Variants in ABLIM1 observed in about 807,000 individuals in gnomAD.
The protein encoded by ABLIM1 is actin binding LIM protein 1.
ABLIM1 carries 40 observed loss-of-function variants against 107.0 expected under a neutral mutation model. That is an observed-to-expected ratio of 0.37 (90% CI 0.29 to 0.49). The LOEUF is 0.49. Ranked by LOEUF, ABLIM1 falls within the 20% of genes least tolerant of loss-of-function variation. The pLI, the probability that ABLIM1 is intolerant of heterozygous loss-of-function variation, is 0.97. For missense variants in ABLIM1, 857 were observed against 1,008.5 expected (o/e 0.85, Z 2.04); for synonymous variants, 357 against 357.3 (o/e 1.00, Z 0.01).
At chr10:114,682,500 T>G (rs773068434) in intron 1 of ABLIM1, among the ~76,000 whole-genome samples, 81 of 152,226 alleles carry the variant, frequency 5.3e-4, no homozygotes, top group Admixed American at 2.0e-3. Flanking sequence ...AAAAGCTAAT[T>G]AAAAGTATTG....
intron 2 of ABLIM1, among the ~76,000 whole-genome samples, chr10:114,580,479 T>C (rs928966727): frequency 2.6e-5 from 4 of 152,124 alleles, no homozygotes; most frequent in African/African-American, 4.8e-5. Context: ...TCCCAAACTG[T>C]TGGGAATATA....
At chr10:114,565,961 A>AT (rs2070679894) in intron 4 of ABLIM1, among the ~76,000 whole-genome samples, 1 of 151,436 alleles carries the variant, frequency 6.6e-6, no homozygotes, top group African/African-American at 2.4e-5. Flanking sequence ...TGCCTCGCTA[A>AT]TTTTTTTGTA....
At chr10:114,676,207 G>A (rs771078247) in intron 1 of ABLIM1, among the ~76,000 whole-genome samples, 1 of 152,184 alleles carries the variant, frequency 6.6e-6, no homozygotes, top group Non-Finnish European at 1.5e-5. Flanking sequence ...GACTGGGCGC[G>A]ATGGCTCACG....
At chr10:114,603,330 T>C (rs537313941) in intron 1 of ABLIM1, among the ~76,000 whole-genome samples, 32 of 152,322 alleles carry the variant, frequency 2.1e-4, no homozygotes, top group African/African-American at 7.2e-4. Flanking sequence ...AATCCATTAC[T>C]AGCTAACTTC....
At chr10:114,440,551 T>C (rs1589675901) in intron 19 of ABLIM1, among the ~76,000 whole-genome samples, 1 of 152,246 alleles carries the variant, frequency 6.6e-6, no homozygotes, top group East Asian at 1.9e-4. Context: ...GCTTAAGCAA[T>C]TCTCCTGCCT....
intron 2 of ABLIM1, among the ~76,000 whole-genome samples, chr10:114,601,538 T>C (rs2076000377): frequency 6.6e-6 from 1 of 152,170 alleles, no homozygotes; most frequent in African/African-American, 2.4e-5. Context: ...AGTGCTGGGA[T>C]TATAGGCGTG....
chr10:114,563,926 A>C (rs535029730), intron 4 of ABLIM1, among the ~76,000 whole-genome samples: 9 of 144,872 alleles, frequency 6.2e-5, no homozygotes, highest in African/African-American at 2.3e-4. Flanking sequence ...TGTTTGTTGA[A>C]CGAGTGAATG....
intron 1 of ABLIM1, among the ~76,000 whole-genome samples, chr10:114,612,210 G>C (rs969170889): frequency 3.3e-5 from 5 of 152,172 alleles, no homozygotes; most frequent in African/African-American, 4.8e-5. Context: ...CTGCCCTCAT[G>C]AATGGATTAA....
intron 7 of ABLIM1, among the ~76,000 whole-genome samples, chr10:114,490,371 A>C (rs960604815): frequency 6.6e-6 from 1 of 152,146 alleles, no homozygotes; most frequent in Non-Finnish European, 1.5e-5. Flanking sequence ...TTTTAAGGGG[A>C]GAGTAGCCAG....
intron 1 of ABLIM1, among the ~76,000 whole-genome samples, chr10:114,713,918 G>A (rs1048142365): frequency 6.6e-6 from 1 of 152,138 alleles, no homozygotes; most frequent in Non-Finnish European, 1.5e-5. Flanking sequence ...AGACAAAAAC[G>A]GGAAGCTGAC....
intron 8 of ABLIM1, among the ~76,000 whole-genome samples, chr10:114,483,705 T>C (rs971998570): frequency 6.6e-6 from 1 of 152,188 alleles, no homozygotes; most frequent in Non-Finnish European, 1.5e-5. Context: ...TTAACAAAAA[T>C]AGAAACTCAA....
At chr10:114,787,992 T>C in the ABLIM1 span, among the ~76,000 whole-genome samples, 1 of 143,650 alleles carries the variant, frequency 7.0e-6, no homozygotes, top group African/African-American at 2.6e-5. Flanking sequence ...CTAAGAAAAA[T>C]TCTTCTGCCT....
intron 1 of ABLIM1, among the ~76,000 whole-genome samples, chr10:114,712,393 A>G (rs932822869): frequency 2.7e-5 from 4 of 150,900 alleles, no homozygotes; most frequent in Non-Finnish European, 5.9e-5. Flanking sequence ...TGAATGCTAT[A>G]ATTAAAAGCC....
chr10:114,527,567 G>A (rs1435623159), intron 6 of ABLIM1, among the ~76,000 whole-genome samples: 4 of 152,142 alleles, frequency 2.6e-5, no homozygotes, highest in Non-Finnish European at 2.9e-5. Context: ...TGTGAACAGA[G>A]AGGAGGAACT....
chr10:114,491,139 G>A (rs1214821861), intron 7 of ABLIM1, among the ~76,000 whole-genome samples: 1 of 150,938 alleles, frequency 6.6e-6, no homozygotes, highest in Non-Finnish European at 1.5e-5. Flanking sequence ...CAAAGTGCTG[G>A]GATTCCAATG....
intron 12 of ABLIM1, among the ~76,000 whole-genome samples, chr10:114,460,012 ATGAC>A (rs1336517857): frequency 1.3e-5 from 2 of 152,246 alleles, no homozygotes; most frequent in African/African-American, 4.8e-5. Context: ...TGTGATCTAA[ATGAC>A]TGAGGATCAT....
At chr10:114,774,076 A>G in the ABLIM1 span, among the ~76,000 whole-genome samples, 5 of 152,104 alleles carry the variant, frequency 3.3e-5, no homozygotes, top group Admixed American at 6.5e-5. Context: ...AAAAGAAAGA[A>G]TAAATAAAGA....
intron 4 of ABLIM1, among the ~76,000 whole-genome samples, chr10:114,549,922 C>A (rs2137752814): frequency 6.6e-6 from 1 of 152,248 alleles, no homozygotes; most frequent in Non-Finnish European, 1.5e-5. Flanking sequence ...GTGTCCTAGT[C>A]CCAGAATAGA....
At chr10:114,689,699 T>G (rs2081031514), upstream of ABLIM1, among the ~76,000 whole-genome samples, 1 of 151,966 alleles carries the variant, frequency 6.6e-6, no homozygotes, top group African/African-American at 2.4e-5. Context: ...TTCCTTTCCT[T>G]GCCTCCTTCC....
Sources: allele counts gnomAD v4.1 joint callset (sites outside exome capture counted in the v4.1 genomes callset), GRCh38; gene constraint gnomAD v4.1.1; transcripts MANE v1.5; gene names NCBI Gene and HGNC (gene_info 2026-07-23, HGNC 2026-07-21).